Variants in CBFA2T3 observed in about 807,000 individuals in gnomAD.
The protein encoded by CBFA2T3 is transcriptional corepressor CBFA2T3.
In CBFA2T3, 31 loss-of-function variants were observed where a neutral mutation model predicts 58.6. The observed-to-expected ratio is 0.53, with a 90% CI of 0.40 to 0.71. The LOEUF is 0.71. Among genes scored for constraint, CBFA2T3 ranks in the 30% least tolerant of loss-of-function variants. The probability of loss-of-function intolerance (pLI) is 0.00; values close to 1 mark genes in which losing one functional copy is unlikely to be tolerated. For synonymous variants in CBFA2T3, 531 were observed against 421.9 expected, an observed-to-expected ratio of 1.26 and a Z score of -3.17; for missense variants, 1,076 against 963.1, an observed-to-expected ratio of 1.12 and a Z score of -1.55.
chr16:88,910,980 C>G (rs1970512967), intron 1 of CBFA2T3, among the ~76,000 whole-genome samples: 1 of 152,240 alleles, frequency 6.6e-6, no homozygotes, highest in Non-Finnish European at 1.5e-5. Flanking sequence ...GCGGCCGCCT[C>G]CACATCTGGC....
Position 88,943,521 on chromosome 16 carries a change from C to T in CBFA2T3, c.151+33136G>A, listed in dbSNP as rs186391244. 8.5e-5 allele frequency among the ~76,000 whole-genome samples: 13 copies of T among 152,262 alleles called. No homozygotes were observed. In the East Asian group the frequency reaches 2.1e-3, roughly 25 times the overall value. On this transcript the variant is annotated intron_variant, in intron 1 of 11. Coordinates refer to ENST00000268679, the MANE Select transcript of CBFA2T3 (RefSeq NM_005187.6). ...TCCCTACTCAGGAGAGCTGTGGTGGCGTGGTAGAGAAGAAAGGGATATCGC... is the reference window on the plus strand; with the variant it reads ...TCCCTACTCAGGAGAGCTGTGGTGGTGTGGTAGAGAAGAAAGGGATATCGC...
At chr16:88,895,994 T>A (rs531464359) in intron 3 of CBFA2T3, among the ~76,000 whole-genome samples, 1 of 152,162 alleles carries the variant, frequency 6.6e-6, no homozygotes, top group Non-Finnish European at 1.5e-5. Context: ...GTACTGTGTG[T>A]CCCCAGCCAG....
chr16:88,881,041 C>A, intron 9 of CBFA2T3: 1 of 702,078 alleles, frequency 1.4e-6, no homozygotes, highest in East Asian at 2.7e-5. Context: ...TGTCAGCATT[C>A]GTCGCTGAGG....
chr16:88,905,761 A>AGGGG (rs1376705303), intron 1 of CBFA2T3, among the ~76,000 whole-genome samples: 1 of 67,746 alleles, frequency 1.5e-5, no homozygotes, highest in Non-Finnish European at 2.9e-5. Flanking sequence ...GGGCTGAAGG[A>AGGGG]CGGTGGGGAT....
At chr16:88,974,521 G>A (rs1972743567) in intron 1 of CBFA2T3, among the ~76,000 whole-genome samples, 1 of 152,098 alleles carries the variant, frequency 6.6e-6, no homozygotes, top group Non-Finnish European at 1.5e-5. Context: ...GCACACAGAC[G>A]TCTCTCCTGC....
At chr16:88,884,927 C>A in intron 7 of CBFA2T3, 119 bp downstream of exon 7, 1 of 727,456 alleles carries the variant, frequency 1.4e-6, no homozygotes. Context: ...AGGGGTCTCC[C>A]GAGCTCAGGT....
chr16:88,975,836 G>A (rs538445249), intron 1 of CBFA2T3, among the ~76,000 whole-genome samples: 23 of 152,378 alleles, frequency 1.5e-4, no homozygotes, highest in Middle Eastern at 3.4e-3. Flanking sequence ...CCTCGGTCCC[G>A]GGTTCTGTGT....
intron 1 of CBFA2T3, among the ~76,000 whole-genome samples, chr16:88,948,576 G>A (rs1971966130): frequency 6.6e-6 from 1 of 152,208 alleles, no homozygotes; most frequent in Non-Finnish European, 1.5e-5. Context: ...CGGACAGGAG[G>A]CTTCCCTGCC....
chr16:88,971,372 A>G (rs986484992), intron 1 of CBFA2T3, among the ~76,000 whole-genome samples: 1 of 152,166 alleles, frequency 6.6e-6, no homozygotes, highest in Non-Finnish European at 1.5e-5. Context: ...GGCCTCCCAA[A>G]GTGCTAGGAT....
At chr16:88,889,046 C>G (rs903113244) in intron 5 of CBFA2T3, among the ~76,000 whole-genome samples, 4 of 151,886 alleles carry the variant, frequency 2.6e-5, no homozygotes, top group Non-Finnish European at 5.9e-5. Context: ...TGACCCTGAT[C>G]CTCAGTTAAG....
intron 3 of CBFA2T3, among the ~76,000 whole-genome samples, chr16:88,896,531 C>A (rs375112216): frequency 2.0e-4 from 31 of 152,214 alleles, no homozygotes; most frequent in African/African-American, 6.8e-4. Context: ...GAGGACCCCA[C>A]CGCGCTGCCG....
intron 5 of CBFA2T3, among the ~76,000 whole-genome samples, chr16:88,890,246 TCCTCAACAG>T (rs937529596): frequency 3.3e-5 from 5 of 152,288 alleles, no homozygotes; most frequent in Admixed American, 2.6e-4. Flanking sequence ...CCACGCTGTC[TCCTCAACAG>T]CCTGAGGATG....
intron 1 of CBFA2T3, among the ~76,000 whole-genome samples, chr16:88,914,851 C>G (rs558077082): frequency 1.3e-5 from 2 of 152,212 alleles, no homozygotes; most frequent in Non-Finnish European, 2.9e-5. Flanking sequence ...GGCCTGCTTG[C>G]CCCGTGGCCG....
chr16:88,909,409 G>A (rs909503841), intron 1 of CBFA2T3, among the ~76,000 whole-genome samples: 1 of 140,016 alleles, frequency 7.1e-6, no homozygotes, highest in Non-Finnish European at 1.6e-5. Flanking sequence ...GAATGCACGC[G>A]TGGCAGTCAC....
rs1258169656 is a variant in CBFA2T3 at position 88,882,566 on chromosome 16, ATGGCTGTGGGCG to A, written c.1203+98_1203+109del. ...TGCATGGGTGTGGCTGTGTGTGGGCATGGCTGTGGGCGTGGCTGTGTGTGCATGGCTGTGTGT... is the reference window on the plus strand; with the variant it reads ...TGCATGGGTGTGGCTGTGTGTGGGCATGGCTGTGTGTGCATGGCTGTGTGT... On this transcript the variant is annotated intron_variant, in intron 8 of 11. Transcript: ENST00000268679. 280 of 368,734 alleles carry A rather than the reference ATGGCTGTGGGCG, an allele frequency of 7.6e-4. 1 individual carries two copies. Among genetic ancestry groups the A allele is most frequent in the Admixed American group, 3.7e-3 (73 of 19,484 alleles). 22.8% of individuals were successfully genotyped at this position (368,734 alleles called of 1,614,324 possible). A position where few individuals can be genotyped will look rare whatever the true frequency, so the allele number is the denominator to read the frequency against.
At chr16:88,941,175 G>C (rs1222180347) in intron 1 of CBFA2T3, 2 of 982,712 alleles carry the variant, frequency 2.0e-6, no homozygotes, top group Admixed American at 6.2e-5. Flanking sequence ...GGCGCGCGGC[G>C]GGGCTGGGGC....
chr16:88,892,631 G>A (rs1213321474), intron 3 of CBFA2T3, 146 bp from the exon 4 acceptor site: 2 of 993,276 alleles, frequency 2.0e-6, no homozygotes, highest in Non-Finnish European at 1.6e-6. Flanking sequence ...GTAGCGCTGA[G>A]GATGACAGCA....
chr16:88,941,607 G>A (rs1597768643), intron 1 of CBFA2T3, among the ~76,000 whole-genome samples: 2 of 146,296 alleles, frequency 1.4e-5, no homozygotes, highest in East Asian at 2.0e-4. Context: ...GCGCGGGGAG[G>A]GGGCGACGGG....
chr16:88,935,657 C>G (rs903983671), intron 1 of CBFA2T3, among the ~76,000 whole-genome samples: 1 of 152,182 alleles, frequency 6.6e-6, no homozygotes, highest in Non-Finnish European at 1.5e-5. Flanking sequence ...TCTGGACCAC[C>G]CCATTTTGCA....
Sources: allele counts gnomAD v4.1 joint callset (sites outside exome capture counted in the v4.1 genomes callset), GRCh38; gene constraint gnomAD v4.1.1; transcripts MANE v1.5; gene names NCBI Gene and HGNC (gene_info 2026-07-23, HGNC 2026-07-21).